PLXND1: variants seen among roughly 807,000 people sequenced by gnomAD.
PLXND1 encodes plexin D1.
A neutral mutation model predicts 197.7 loss-of-function variants in PLXND1; 54 were observed. The ratio of observed to expected loss-of-function variants is 0.27; its 90% CI spans 0.22 to 0.34. The LOEUF is 0.34. Among genes scored for constraint, PLXND1 ranks in the 10% least tolerant of loss-of-function variants. PLXND1 has a pLI of 1.00. For missense variants in PLXND1, 2,127 were observed against 2,699.2 expected, an observed-to-expected ratio of 0.79 and a Z score of 4.70; for synonymous variants, 1,180 against 1,161.2, an observed-to-expected ratio of 1.02 and a Z score of -0.33.
intron 1 of PLXND1, among the ~76,000 whole-genome samples, chr3:129,592,369 A>G (rs961219412): frequency 1.3e-5 from 2 of 152,268 alleles, no homozygotes; most frequent in African/African-American, 4.8e-5. Flanking sequence ...AATATGAATT[A>G]CTTGCATCAT....
In PLXND1 at chr3:129,558,095, T is replaced by G. The variant is rs780317903; in HGVS notation, c.5445+333A>C. 3.9e-5 allele frequency among the ~76,000 whole-genome samples: 6 copies of G among 152,196 alleles called. No homozygotes were observed. The highest frequency in any genetic ancestry group is 1.4e-4 in the African/African-American group (6 of 41,458). ...CCCAGAGCCTGGCCCGGTTTTCAGATGATGTTGTGCCTGACCAAGCAGGTT... is the reference window on the plus strand; with the variant it reads ...CCCAGAGCCTGGCCCGGTTTTCAGAGGATGTTGTGCCTGACCAAGCAGGTT... On this transcript the variant is annotated intron_variant, in intron 33 of 35. Coordinates refer to ENST00000324093, the MANE Select transcript of PLXND1 (RefSeq NM_015103.3). This position sits in a 1 kb window ranked among gnomAD's most constrained non-coding sequence, Gnocchi z 4.1.
At chr3:129,598,501 G>T (rs972883528) in intron 1 of PLXND1, among the ~76,000 whole-genome samples, 2 of 152,084 alleles carry the variant, frequency 1.3e-5, no homozygotes, top group African/African-American at 4.8e-5. Context: ...CTGGCCTCTG[G>T]TATGTGTGGG....
At chr3:129,564,329 T>G (rs1044241363) in intron 25 of PLXND1, among the ~76,000 whole-genome samples, 7 of 152,364 alleles carry the variant, frequency 4.6e-5, no homozygotes, top group Admixed American at 3.9e-4. Context: ...ACAGCTGGGC[T>G]GTGCCAAAGA....
chr3:129,575,460 G>A lies in PLXND1; in HGVS notation c.2530+9C>T, dbSNP rs2085298681. ...CCCGAGGCCATGTGGGGCGGGTGGG[G>A]GTGCCCACCTGTCATGGGCTCAGGG... On this transcript the variant is annotated intron_variant, in intron 11 of 35. Transcript: ENST00000324093. The A allele has an allele frequency of 3.9e-6, 6 of 1,531,524 alleles. No homozygotes were observed. The highest frequency in any genetic ancestry group is 3.5e-6 in the Non-Finnish European group (4 of 1,128,804). The allele number at this position is 1,531,524 out of a possible 1,614,324, so 94.9% of individuals were successfully genotyped here.
chr3:129,558,451 T>C lies in PLXND1; in HGVS notation c.5422A>G (p.Ile1808Val), dbSNP rs1291177579. ...ACCTTGCCCAGCTGCAGGTCAGAGA[T>C]GGAGCAGGCGTCGATGAAGGCCTGC... is the stretch of plus-strand genomic sequence containing the variant. ...IAQAFIDACS[I>V]SDLQLGKDSP... Residue 1808 changes from isoleucine (I) to valine (V), a missense_variant, in exon 33 of 36, where the codon ATC becomes GTC. Physicochemically the swap from Ile to Val is conservative, Grantham distance 29. Coordinates refer to ENST00000324093, the MANE Select transcript of PLXND1 (RefSeq NM_015103.3). This position sits in a 1 kb window ranked among gnomAD's most constrained non-coding sequence, Gnocchi z 4.1. The C allele has an allele frequency of 1.2e-5, 19 of 1,613,640 alleles. No individual in the cohort carries two copies. The highest frequency in any genetic ancestry group is 1.6e-5 in the Non-Finnish European group (19 of 1,179,966).
intron 7 of PLXND1, 31 bp from the exon 8 acceptor site, chr3:129,583,700 G>GCC (rs1245919406): frequency 6.9e-7 from 1 of 1,443,046 alleles, no homozygotes; most frequent in Non-Finnish European, 9.7e-7. Context: ...TCAACTCCTG[G>GCC]TTCCCCACCC....
intron 17 of PLXND1, 100 bp from the exon 18 acceptor site, chr3:129,571,403 G>A: frequency 1.3e-6 from 2 of 1,521,768 alleles, no homozygotes; most frequent in Non-Finnish European, 1.8e-6. Context: ...CAGAGGCAGA[G>A]GGAGGAAGAG....
chr3:129,583,275 T>A (rs1173633005), intron 8 of PLXND1, among the ~76,000 whole-genome samples: 1 of 152,202 alleles, frequency 6.6e-6, no homozygotes. Context: ...GGTGTAGAAC[T>A]ATGGCCACAC....
chr3:129,571,442 G>A (rs1027941566), intron 17 of PLXND1, 67 bp downstream of exon 17: 2 of 1,535,620 alleles, frequency 1.3e-6, no homozygotes, highest in African/African-American at 2.7e-5. Flanking sequence ...GAGGAGGCCT[G>A]GTCAGTTAGG....
chr3:129,598,461 G>C (rs6792344), intron 1 of PLXND1, among the ~76,000 whole-genome samples: 107,975 of 151,906 alleles, frequency 0.71, 39,330 homozygotes, highest in Non-Finnish European at 0.79. Flanking sequence ...CCCAGAGCTT[G>C]GACGGGCATG....
In PLXND1 at chr3:129,556,122, G is replaced by A; in HGVS notation, c.*190C>T. 3.4e-6 allele frequency: 2 copies of A among 581,988 alleles called. 1 individual carries two copies. The highest frequency in any genetic ancestry group is 9.1e-4 in the Middle Eastern group (2 of 2,208). 36.1% of individuals were successfully genotyped at this position (581,988 alleles called of 1,614,324 possible). ...ACTGATCTGGGGACAGGTGGGAGGG[G>A]ATGGAGGTGCCCAGGGGTCAAGGCG... On this transcript the variant is annotated 3_prime_UTR_variant, in exon 36 of 36. Transcript: ENST00000324093.
chr3:129,561,935 G>C (rs768400621), intron 27 of PLXND1, 32 bp from the exon 28 acceptor site: 1 of 1,519,128 alleles, frequency 6.6e-7, no homozygotes. Flanking sequence ...ATCAGGGTCC[G>C]GGCAGGGAGC....
In PLXND1 at chr3:129,561,835, C is replaced by T. The variant is rs1239502872; in HGVS notation, c.4894G>A (p.Gly1632Ser). ...GCCAGCGTGTTAAGCTTCTTGCGGC[C>T]GTCTTCCACCACTGAGGTGTCGTCC... is the stretch of plus-strand genomic sequence containing the variant. ...DLDDTSVVED[G>S]RKKLNTLAHY... Residue 1632 changes from glycine to serine, a missense_variant, in exon 28 of 36, where the codon GGC becomes AGC. By Grantham distance (56) the Gly-to-Ser change is moderately conservative. Transcript: ENST00000324093. 7 of 1,613,836 alleles carry T rather than the reference C, an allele frequency of 4.3e-6. No homozygotes were observed. The highest frequency in any genetic ancestry group is 4.5e-5 in the East Asian group (2 of 44,884).
chr3:129,583,125 C>T (rs2085408490), intron 8 of PLXND1, among the ~76,000 whole-genome samples: 3 of 152,180 alleles, frequency 2.0e-5, no homozygotes, highest in Admixed American at 6.5e-5. Flanking sequence ...CTGGTACTGC[C>T]TGAGTCGATG....
chr3:129,586,225 C>G lies in PLXND1; in HGVS notation c.1668G>C (p.Gly556=), dbSNP rs919118961. 3 of 1,601,054 alleles carry G rather than the reference C, an allele frequency of 1.9e-6. No individual in the cohort carries two copies. The highest frequency in any genetic ancestry group is 2.2e-5 in the East Asian group (1 of 44,566). The change falls in exon 4 of 36, where the codon GGG becomes GGC. Residue 556 remains glycine (G), a synonymous_variant. Transcript: ENST00000324093. ...VAACNVHSTC[G]DCVGAADAYC... is the part of the protein sequence containing the mutation. ...AGGCGTCCGCCGCACCCACGCAGTCCCCACAGGTGGAGTGCACGTTGCAGG... is the reference window on the plus strand; with the variant it reads ...AGGCGTCCGCCGCACCCACGCAGTCGCCACAGGTGGAGTGCACGTTGCAGG...
intron 8 of PLXND1, among the ~76,000 whole-genome samples, chr3:129,581,043 C>A (rs901279276): frequency 1.3e-5 from 2 of 152,160 alleles, no homozygotes; most frequent in East Asian, 1.9e-4. Context: ...CCACTTTGCA[C>A]ATCTTTCACG....
rs1287912925 is a variant in PLXND1 at position 129,558,016 on chromosome 3, C to A, written c.5445+412G>T. Among the ~76,000 whole-genome samples the A allele has an allele frequency of 6.6e-6, 1 of 152,230 alleles. No homozygotes were observed. Among genetic ancestry groups the A allele is most frequent in the African/African-American group, 2.4e-5 (1 of 41,450 alleles). ...TCCTAGCCACCCATCACCCCTCTGC[C>A]CACCCCTTCACTGAATGCTCGCTTG... On this transcript the variant is annotated intron_variant, in intron 33 of 35. Coordinates refer to ENST00000324093, the MANE Select transcript of PLXND1 (RefSeq NM_015103.3). The surrounding 1 kb of genome is among the most constrained non-coding windows in gnomAD (Gnocchi z 4.1).
chr3:129,603,203 G>A (rs893996103), intron 1 of PLXND1, among the ~76,000 whole-genome samples: 6 of 152,192 alleles, frequency 3.9e-5, no homozygotes, highest in Non-Finnish European at 7.4e-5. Context: ...GGCCGCAGCC[G>A]GAATCTGTGG....
In PLXND1 at chr3:129,606,180, C is replaced by T. The variant is rs756944363; in HGVS notation, c.460G>A (p.Gly154Ser). ...CGCACGGCCACGGCCGAGATGTTGC[C>T]CCGGCGCCGCAGCTGGCAGAAGCCC... ...YQGFCQLRRR[G>S]NISAVAVRFP... The change falls in exon 1 of 36, where the codon GGC becomes AGC. Residue 154 changes from glycine to serine, a missense_variant. By Grantham distance (56) the Gly-to-Ser change is moderately conservative. This residue lies in a region of PLXND1 where 245 missense variants were observed against 267.1 expected (regional missense o/e 0.92). Transcript: ENST00000324093. 1.2e-5 allele frequency: 19 copies of T among 1,548,868 alleles called. No homozygotes were observed. The highest frequency in any genetic ancestry group is 1.6e-5 in the Non-Finnish European group (18 of 1,154,336).
Sources: allele counts gnomAD v4.1 joint callset (sites outside exome capture counted in the v4.1 genomes callset), GRCh38; gene constraint gnomAD v4.1.1; regional missense constraint gnomAD v4.1.1; non-coding constraint Gnocchi (gnomAD v3.1); transcripts MANE v1.5; gene names NCBI Gene and HGNC (gene_info 2026-07-23, HGNC 2026-07-21).